STRIP1: variants seen among roughly 807,000 people sequenced by gnomAD.
STRIP1 encodes the protein striatin interacting protein 1, also known as striatin-interacting protein 1.
STRIP1 carries 63 observed loss-of-function variants against 106.2 expected under a neutral mutation model. The observed-to-expected ratio is 0.59, with a 90% CI of 0.48 to 0.73. The LOEUF (loss-of-function observed/expected upper bound fraction) is 0.73, where lower values mean the gene tolerates loss of function less well. Among genes scored for constraint, STRIP1 ranks in the 30% least tolerant of loss-of-function variants. The pLI, the probability that STRIP1 is intolerant of heterozygous loss-of-function variation, is 0.00. For synonymous variants in STRIP1, 390 were observed against 413.0 expected (o/e 0.94, Z 0.67); for missense variants, 857 against 1,074.8 (o/e 0.80, Z 2.83).
Position 110,039,214 on chromosome 1 carries a change from G to A in STRIP1, c.368G>A (p.Arg123Gln), listed in dbSNP as rs376682849. 3.0e-5 allele frequency: 48 copies of A among 1,614,076 alleles called. No individual in the cohort carries two copies. Among genetic ancestry groups the A allele is most frequent in the Non-Finnish European group, 3.5e-5 (41 of 1,180,036 alleles). Residue 123 changes from arginine (R) to glutamine (Q), a missense_variant, in exon 4 of 21, where the codon CGG becomes CAG. This residue lies in a region of STRIP1 where 750 missense variants were observed against 989.8 expected (regional missense o/e 0.76). Coordinates refer to ENST00000369795, the MANE Select transcript of STRIP1 (RefSeq NM_033088.4). Reference sequence around the variant, plus strand: ...ACTGAGCTGGATACCAACCAGCACCGGACCCATGCCATGAGGCTCCTGGAT... The same window carrying A: ...ACTGAGCTGGATACCAACCAGCACCAGACCCATGCCATGAGGCTCCTGGAT... The part of the protein sequence containing the change: ...KWTELDTNQH[R>Q]THAMRLLDGL...
rs2101770469 is a variant in STRIP1, at chr1:110,041,043, G to A, written c.650+340G>A. ...GTGTTCCCTGGACTCCCACCTTCTT[G>A]TGTACACAGCTTGATGCTCATCTTC... On this transcript the variant is annotated intron_variant, in intron 6 of 20. Transcript: ENST00000369795. 1.7e-5 allele frequency: 4 copies of A among 231,896 alleles called. No individual in the cohort carries two copies. In the South Asian group the frequency reaches 3.3e-4, roughly 19 times the overall value. 14.4% of individuals were successfully genotyped at this position (231,896 alleles called of 1,614,324 possible).
chr1:110,042,177 G>A (rs1652797857), intron 8 of STRIP1, among the ~76,000 whole-genome samples: 1 of 152,142 alleles, frequency 6.6e-6, no homozygotes, highest in African/African-American at 2.4e-5. Flanking sequence ...TTTGTAAAGG[G>A]ATTTGAGGCA....
chr1:110,042,936 G>T, intron 8 of STRIP1, 152 bp from the exon 9 acceptor site: 1 of 656,622 alleles, frequency 1.5e-6, no homozygotes, highest in Admixed American at 3.0e-5. Context: ...AATTCTCCTT[G>T]GGAGTGGCTT....
At position 110,041,848 on chromosome 1, in the gene STRIP1, G is replaced by A. The variant is rs777182211; in HGVS notation, c.872G>A (p.Trp291Ter). 1 of 1,614,190 alleles carries A rather than the reference G, an allele frequency of 6.2e-7. No homozygotes were observed. The highest frequency in any genetic ancestry group is 2.2e-5 in the East Asian group (1 of 44,882). The stretch of plus-strand genomic sequence containing the variant: ...ATGAAGAAAGTTCTCTTGCTGCTCT[G>A]GAAGACAGTATTGGTGAGCACCTCC... ...FPMKKVLLLL[W>*]KTVLCTLGGF... The change falls in exon 8 of 21, where the codon TGG (tryptophan) becomes TAG (stop). Residue 291 changes from tryptophan (W) to a stop codon, truncating the protein, a stop_gained. Transcript: ENST00000369795. LOFTEE classifies it high-confidence loss of function.
chr1:110,034,557 GA>G, upstream of STRIP1: 1 of 1,433,176 alleles, frequency 7.0e-7, no homozygotes, highest in Middle Eastern at 1.9e-4. Flanking sequence ...GGCGGCCAGG[GA>G]AATTTCCTGG....
chr1:110,032,701 G>A (rs909036046), upstream of STRIP1, among the ~76,000 whole-genome samples: 1 of 152,108 alleles, frequency 6.6e-6, no homozygotes, highest in Non-Finnish European at 1.5e-5. Flanking sequence ...CTACCCAGCT[G>A]ATAAGATTCC....
intron 10 of STRIP1, 55 bp from the exon 11 acceptor site, chr1:110,044,784 GA>G: frequency 6.4e-7 from 1 of 1,557,628 alleles, no homozygotes; most frequent in South Asian, 1.1e-5. Context: ...GTAACACTTT[GA>G]AATAGCATTT....
chr1:110,053,838 C>T lies in STRIP1; in HGVS notation c.2440C>T (p.Gln814Ter), dbSNP rs1653414622. ...ACGGGTGGACCTCCCTGAGGACTTTCAGATGAACTATGACCTCTGGTTAGA... is the reference window on the plus strand; with the variant it reads ...ACGGGTGGACCTCCCTGAGGACTTTTAGATGAACTATGACCTCTGGTTAGA... ...GQRVDLPEDF[Q>*]MNYDLWLERE... Residue 814 changes from glutamine to a stop codon, truncating the protein, a stop_gained, in exon 21 of 21, where the codon CAG becomes TAG. Transcript: ENST00000369795. LOFTEE classifies it high-confidence loss of function. 6.2e-7 allele frequency: 1 copy of T among 1,614,158 alleles called. No homozygotes were observed. The highest frequency in any genetic ancestry group is 8.5e-7 in the Non-Finnish European group (1 of 1,180,020).
intron 1 of STRIP1, among the ~76,000 whole-genome samples, chr1:110,035,302 G>C (rs1373123153): frequency 6.6e-6 from 1 of 152,214 alleles, no homozygotes; most frequent in African/African-American, 2.4e-5. Context: ...GGATCTGGAA[G>C]GAACTTAGAG....
chr1:110,054,044 TC>T lies in STRIP1; in HGVS notation c.*133del, dbSNP rs1653428219. On this transcript the variant is annotated 3_prime_UTR_variant, in exon 21 of 21. Transcript: ENST00000369795. ...CACAGCCCCACTGTGTCTTCCGCAGTCTGTCCTGGGCTTGGGTGAGCCCAGC... is the reference window on the plus strand; with the variant it reads ...CACAGCCCCACTGTGTCTTCCGCAGTTGTCCTGGGCTTGGGTGAGCCCAGC... 1 of 1,204,224 alleles carries T rather than the reference TC, an allele frequency of 8.3e-7. No individual in the cohort carries two copies. Among genetic ancestry groups the T allele is most frequent in the South Asian group, 1.4e-5 (1 of 70,508 alleles). The allele number at this position is 1,204,224 out of a possible 1,614,324, so 74.6% of individuals were successfully genotyped here. A position where few individuals can be genotyped will look rare whatever the true frequency, so the allele number is the denominator to read the frequency against.
At chr1:110,046,039 AC>A (rs1175219723) in intron 12 of STRIP1, among the ~76,000 whole-genome samples, 1 of 152,218 alleles carries the variant, frequency 6.6e-6, no homozygotes, top group East Asian at 1.9e-4. Flanking sequence ...AATTTGTAGT[AC>A]TAAGTGGTCT....
rs1437640021 is a variant in STRIP1 at position 110,043,074 on chromosome 1, T to G, written c.886-14T>G. 2.6e-5 allele frequency: 42 copies of G among 1,602,490 alleles called. No individual in the cohort carries two copies. The highest frequency in any genetic ancestry group is 3.4e-5 in the South Asian group (3 of 89,550). On this transcript the variant is annotated splice_polypyrimidine_tract_variant and intron_variant, in intron 8 of 20. Transcript: ENST00000369795. Reference sequence around the variant, plus strand: ...CACATTGACCCTGGCTCTGCTTCCCTGTCTGTGATGCAGTGCACGCTAGGC... The same window carrying G: ...CACATTGACCCTGGCTCTGCTTCCCGGTCTGTGATGCAGTGCACGCTAGGC...
intron 3 of STRIP1, 30 bp downstream of exon 3, chr1:110,038,787 C>T (rs1181400416): frequency 6.3e-7 from 1 of 1,597,304 alleles, no homozygotes; most frequent in Non-Finnish European, 8.6e-7. Context: ...TTCTTGCTTC[C>T]TTTGCCCTGC....
intron 7 of STRIP1, 31 bp downstream of exon 7, chr1:110,041,673 C>A (rs1570918049): frequency 6.2e-7 from 1 of 1,614,154 alleles, no homozygotes; most frequent in East Asian, 2.2e-5. Flanking sequence ...TCTAGAGGCC[C>A]TGCCTGGAAG....
chr1:110,041,801 T>C lies in STRIP1; in HGVS notation c.825T>C (p.Ser275=), dbSNP rs748810002. The C allele has an allele frequency of 6.2e-7, 1 of 1,614,172 alleles. No individual in the cohort carries two copies. ...MLFGMVTKFC[S]GHAPHFPMKK... ...TTGGGATGGTGACCAAATTTTGCAG[T>C]GGTCACGCCCCTCACTTTCCCATGA... Residue 275 remains serine, a synonymous_variant, in exon 8 of 21, where the codon AGT becomes AGC. Coordinates refer to ENST00000369795, the MANE Select transcript of STRIP1 (RefSeq NM_033088.4).
chr1:110,043,080 T>C lies in STRIP1; in HGVS notation c.886-8T>C, dbSNP rs1400064312. ...GACCCTGGCTCTGCTTCCCTGTCTG[T>C]GATGCAGTGCACGCTAGGCGGCTTT... On this transcript the variant is annotated splice_polypyrimidine_tract_variant and splice_region_variant and intron_variant, in intron 8 of 20. Coordinates refer to ENST00000369795, the MANE Select transcript of STRIP1 (RefSeq NM_033088.4). 1.2e-6 allele frequency: 2 copies of C among 1,606,678 alleles called. No individual in the cohort carries two copies. Among genetic ancestry groups the C allele is most frequent in the African/African-American group, 1.3e-5 (1 of 74,940 alleles).
chr1:110,043,067 G>T lies in STRIP1; in HGVS notation c.886-21G>T, dbSNP rs144882686. ...CTGTGGACACATTGACCCTGGCTCT[G>T]CTTCCCTGTCTGTGATGCAGTGCAC... On this transcript the variant is annotated intron_variant, in intron 8 of 20. Transcript: ENST00000369795. 1.1e-5 allele frequency: 17 copies of T among 1,596,396 alleles called. No individual in the cohort carries two copies. The East Asian group carries it at 3.6e-4, about 34-fold the overall frequency.
intron 12 of STRIP1, among the ~76,000 whole-genome samples, chr1:110,045,902 G>A (rs918213541): frequency 2.6e-5 from 4 of 152,250 alleles, no homozygotes; most frequent in African/African-American, 7.2e-5. Flanking sequence ...GGCAGAGAGA[G>A]ATGAGGGGTG....
chr1:110,042,815 T>C (rs1396408141), intron 8 of STRIP1: 5 of 342,504 alleles, frequency 1.5e-5, no homozygotes, highest in Non-Finnish European at 2.6e-5. Flanking sequence ...TCTTTTTAAA[T>C]TGAAGAGTAT....
Sources: gnomAD v4.1 joint callset for allele counts (sites outside exome capture counted in the v4.1 genomes callset) on GRCh38, gnomAD v4.1.1 for gene constraint, gnomAD v4.1.1 regional missense constraint, MANE v1.5 for transcripts, NCBI Gene and HGNC (gene_info 2026-07-23, HGNC 2026-07-21) for gene names.